Variants in FNIP2 observed in about 807,000 individuals in gnomAD.
FNIP2 encodes folliculin interacting protein 2.
A neutral mutation model predicts 108.7 loss-of-function variants in FNIP2; 32 were observed. The ratio of observed to expected loss-of-function variants is 0.29; its 90% CI spans 0.22 to 0.40. The LOEUF (loss-of-function observed/expected upper bound fraction) is 0.40. FNIP2 is among the 10% of genes least tolerant of loss of function. The pLI is 1.00. For synonymous variants in FNIP2, 480 were observed against 496.7 expected, an observed-to-expected ratio of 0.97 and a Z score of 0.45; for missense variants, 1,202 against 1,381.6, an observed-to-expected ratio of 0.87 and a Z score of 2.06.
chr4:158,779,568 G>A (rs1431342606), intron 1 of FNIP2, among the ~76,000 whole-genome samples: 2 of 86,258 alleles, frequency 2.3e-5, no homozygotes, highest in South Asian at 5.6e-4. Flanking sequence ...TTTGTTGGTC[G>A]TGGTTTTTTT....
intron 1 of FNIP2, among the ~76,000 whole-genome samples, chr4:158,773,580 G>T (rs545658239): frequency 6.6e-6 from 1 of 152,284 alleles, no homozygotes; most frequent in East Asian, 1.9e-4. Context: ...CTGATTTTAA[G>T]TATTACTAAG....
intron 7 of FNIP2, among the ~76,000 whole-genome samples, chr4:158,847,267 C>G (rs772119055): frequency 1.3e-5 from 2 of 152,232 alleles, no homozygotes; most frequent in Non-Finnish European, 2.9e-5. Flanking sequence ...ATACACCAGC[C>G]GGGGCAACTA....
At chr4:158,770,192 C>T (rs1775649981) in intron 1 of FNIP2, among the ~76,000 whole-genome samples, 1 of 152,178 alleles carries the variant, frequency 6.6e-6, no homozygotes. Flanking sequence ...CCACAGATTC[C>T]AGTCTTTAAA....
intron 16 of FNIP2, among the ~76,000 whole-genome samples, chr4:158,896,910 T>C (rs1319673395): frequency 6.6e-6 from 1 of 151,780 alleles, no homozygotes; most frequent in Non-Finnish European, 1.5e-5. Flanking sequence ...GTCTGTTACA[T>C]AGGTATACAC....
chr4:158,815,170 G>A (rs1173767730), intron 1 of FNIP2, among the ~76,000 whole-genome samples: 1 of 152,152 alleles, frequency 6.6e-6, no homozygotes, highest in Non-Finnish European at 1.5e-5. Flanking sequence ...AGGCTGTTGA[G>A]GAACAAAGAG....
At chr4:158,852,546 C>T (rs1779757835) in intron 8 of FNIP2, among the ~76,000 whole-genome samples, 1 of 152,188 alleles carries the variant, frequency 6.6e-6, no homozygotes, top group Admixed American at 6.5e-5. Flanking sequence ...CTGAGTGTTG[C>T]ATCGTCATCT....
chr4:158,854,425 G>A (rs904168816), intron 8 of FNIP2, among the ~76,000 whole-genome samples: 7 of 152,116 alleles, frequency 4.6e-5, no homozygotes, highest in Non-Finnish European at 8.8e-5. Flanking sequence ...TGGCAGTGCC[G>A]CTTTAGAGTC....
chr4:158,883,080 A>C (rs1320626379), intron 14 of FNIP2, among the ~76,000 whole-genome samples: 4 of 152,032 alleles, frequency 2.6e-5, no homozygotes, highest in Non-Finnish European at 5.9e-5. Context: ...AAAAAAAATA[A>C]AATAAATAAA....
chr4:158,891,692 G>A (rs1295343342), intron 15 of FNIP2, 46 bp downstream of exon 15: 2 of 1,489,890 alleles, frequency 1.3e-6, no homozygotes, highest in South Asian at 1.2e-5. Context: ...GTTTTAAAAT[G>A]CTTTTAACGA....
intron 1 of FNIP2, among the ~76,000 whole-genome samples, chr4:158,788,124 T>C (rs541819950): frequency 6.6e-6 from 1 of 152,326 alleles, no homozygotes; most frequent in South Asian, 2.1e-4. Flanking sequence ...TTTGGTATGT[T>C]GGGAATAATA....
At chr4:158,886,130 T>C (rs919767036) in intron 14 of FNIP2, among the ~76,000 whole-genome samples, 1 of 152,226 alleles carries the variant, frequency 6.6e-6, no homozygotes, top group Non-Finnish European at 1.5e-5. Flanking sequence ...CTCAATAATC[T>C]TCTAAAGATT....
intron 16 of FNIP2, among the ~76,000 whole-genome samples, chr4:158,902,667 T>C (rs1301535974): frequency 6.6e-6 from 1 of 152,240 alleles, no homozygotes; most frequent in African/African-American, 2.4e-5. Context: ...TGCCTTTTTT[T>C]CAGAGATGCC....
intron 14 of FNIP2, among the ~76,000 whole-genome samples, chr4:158,886,644 C>T (rs1198081305): frequency 1.3e-5 from 2 of 152,164 alleles, no homozygotes; most frequent in Non-Finnish European, 2.9e-5. Flanking sequence ...ATTATTTGGA[C>T]AGGAAACGTA....
chr4:158,849,877 A>G (rs1779605251), intron 7 of FNIP2, among the ~76,000 whole-genome samples: 1 of 152,138 alleles, frequency 6.6e-6, no homozygotes, highest in African/African-American at 2.4e-5. Context: ...CGTTATGGGT[A>G]CAATGGATGC....
intron 1 of FNIP2, among the ~76,000 whole-genome samples, chr4:158,822,526 C>T (rs1284701515): frequency 6.6e-6 from 1 of 152,188 alleles, no homozygotes; most frequent in Non-Finnish European, 1.5e-5. Context: ...GGATCTCACT[C>T]TGTCACCAAG....
chr4:158,787,333 A>T (rs955250161), intron 1 of FNIP2, among the ~76,000 whole-genome samples: 3 of 152,230 alleles, frequency 2.0e-5, no homozygotes, highest in Non-Finnish European at 2.9e-5. Context: ...TTTTCTAAAA[A>T]TTGTGGTGGG....
At chr4:158,849,249 A>G (rs943139672) in intron 7 of FNIP2, among the ~76,000 whole-genome samples, 2 of 152,074 alleles carry the variant, frequency 1.3e-5, no homozygotes, top group South Asian at 4.2e-4. Flanking sequence ...GACTTGCCTT[A>G]ATGAAGAGGA....
chr4:158,806,821 T>C (rs1578843189), intron 1 of FNIP2, among the ~76,000 whole-genome samples: 1 of 152,310 alleles, frequency 6.6e-6, no homozygotes, highest in East Asian at 1.9e-4. Context: ...TTTCACTTCA[T>C]AGTCTGCGTG....
At chr4:158,867,333 C>G (rs1283981266) in intron 12 of FNIP2, among the ~76,000 whole-genome samples, 1 of 152,174 alleles carries the variant, frequency 6.6e-6, no homozygotes, top group Non-Finnish European at 1.5e-5. Context: ...GCTGGGACTA[C>G]AGGTGCACAC....
Sources: gnomAD v4.1 joint callset for allele counts (sites outside exome capture counted in the v4.1 genomes callset) on GRCh38, gnomAD v4.1.1 for gene constraint, MANE v1.5 for transcripts, NCBI Gene and HGNC (gene_info 2026-07-23, HGNC 2026-07-21) for gene names.